The following ATP8B4 variants were observed in gnomAD, a reference collection of about 807,000 sequenced individuals.
ATP8B4 encodes the protein ATPase phospholipid transporting 8B4 (putative).
Under a neutral mutation model 145.6 loss-of-function variants are expected in ATP8B4, and 133 were observed. The ratio of observed to expected loss-of-function variants is 0.91; its 90% confidence interval spans 0.79 to 1.05. ATP8B4 has a LOEUF of 1.05. Among genes scored for constraint, ATP8B4 ranks in the 50% least tolerant of loss-of-function variants. The pLI, the probability that ATP8B4 is intolerant of heterozygous loss-of-function variation, is 0.00. For missense variants in ATP8B4, 1,458 were observed against 1,425.2 expected (o/e 1.02, Z -0.37); for synonymous variants, 507 against 492.9 (o/e 1.03, Z -0.38).
In ATP8B4 at chr15:49,916,894, T is replaced by C. The variant is rs1291961045; in HGVS notation, c.2141+40A>G. 11 of 1,568,546 alleles carry C rather than the reference T, an allele frequency of 7.0e-6. No individual in the cohort carries two copies. In the African/African-American group the frequency reaches 1.4e-4, roughly 19 times the overall value. On this transcript the variant is annotated intron_variant, in intron 20 of 27. Transcript: ENST00000284509. ...CTCTGATCTTTTTTCCCTCCCTCCC[T>C]CTCGTCCTTCCATCCTTTCCTCCTT...
intron 16 of ATP8B4, among the ~76,000 whole-genome samples, chr15:49,927,557 G>A (rs915925422): frequency 2.6e-5 from 4 of 152,100 alleles, no homozygotes; most frequent in African/African-American, 9.7e-5. Context: ...CTGTGGTAGA[G>A]CACTACCTTT....
chr15:50,147,284 T>C (rs1416543631), intron 1 of ATP8B4, among the ~76,000 whole-genome samples: 2 of 151,894 alleles, frequency 1.3e-5, no homozygotes, highest in Non-Finnish European at 2.9e-5. Flanking sequence ...GGTGTGGTGC[T>C]GCATGCCTGT....
upstream of ATP8B4, among the ~76,000 whole-genome samples, chr15:50,120,446 C>T (rs1214248112): frequency 6.6e-6 from 1 of 152,014 alleles, no homozygotes; most frequent in African/African-American, 2.4e-5. Flanking sequence ...ATTTTTAAAC[C>T]TATCATATGG....
intron 3 of ATP8B4, among the ~76,000 whole-genome samples, chr15:50,071,091 G>A (rs1266816270): frequency 6.6e-6 from 1 of 152,180 alleles, no homozygotes; most frequent in Non-Finnish European, 1.5e-5. Context: ...TCAATCTGCT[G>A]TAGCCACAGG....
In ATP8B4 at chr15:49,999,702, T is replaced by C. The variant is rs146902969; in HGVS notation, c.506+2451A>G. On this transcript the variant is annotated intron_variant, in intron 8 of 27. Transcript: ENST00000284509. ...GATGCTGTGTACCCCTTATTCAGAATTGCATCTTACTACAGTTTCACATCT... is the reference window on the plus strand; with the variant it reads ...GATGCTGTGTACCCCTTATTCAGAACTGCATCTTACTACAGTTTCACATCT... 5.6e-3 allele frequency among the ~76,000 whole-genome samples: 853 copies of C among 152,252 alleles called. 7 individuals are homozygous for C. The highest frequency in any genetic ancestry group is 0.02 in the African/African-American group (818 of 41,554).
At chr15:50,125,204 A>G (rs1419206196) in intron 1 of ATP8B4, among the ~76,000 whole-genome samples, 1 of 152,190 alleles carries the variant, frequency 6.6e-6, no homozygotes, top group Admixed American at 6.5e-5. Context: ...TCAGGGCTAC[A>G]TGGTTCTTGT....
chr15:50,133,888 C>T (rs1214250341), intron 1 of ATP8B4, among the ~76,000 whole-genome samples: 1 of 152,102 alleles, frequency 6.6e-6, no homozygotes, highest in East Asian at 1.9e-4. Context: ...GGAATCGCAA[C>T]ACTTTGGGAG....
At chr15:49,941,136 T>A (rs1210537945) in intron 14 of ATP8B4, among the ~76,000 whole-genome samples, 1 of 151,938 alleles carries the variant, frequency 6.6e-6, no homozygotes, top group Non-Finnish European at 1.5e-5. Context: ...AGAGTCAAGA[T>A]AATACAAAGA....
upstream of ATP8B4, among the ~76,000 whole-genome samples, chr15:50,122,717 A>C (rs1225049732): frequency 6.6e-6 from 1 of 152,158 alleles, no homozygotes. Context: ...TTCTATAAGC[A>C]TATTCTTGAA....
chr15:49,946,902 G>C (rs1324836582), intron 14 of ATP8B4, among the ~76,000 whole-genome samples: 1 of 152,146 alleles, frequency 6.6e-6, no homozygotes. Flanking sequence ...AGAGCCACAG[G>C]AGTGTCTGCC....
Position 50,143,086 on chromosome 15 carries a change from G to T in ATP8B4, c.-42-36078C>A, listed in dbSNP as rs142097641. ...AAGCCCTCATTTCCCTTAAAGGCAA[G>T]AACTTTTCTTCTAAAAATAGAAATT... On this transcript the variant is annotated intron_variant, in intron 1 of 3. Coordinates refer to the ATP8B4 transcript ENST00000558829. Among the ~76,000 whole-genome samples, 505 of 152,288 alleles carry T rather than the reference G, an allele frequency of 3.3e-3. 1 individual carries two copies. The highest frequency in any genetic ancestry group is 0.012 in the African/African-American group (484 of 41,564).
At chr15:49,940,055 C>A (rs1291800759) in intron 14 of ATP8B4, among the ~76,000 whole-genome samples, 1 of 152,052 alleles carries the variant, frequency 6.6e-6, no homozygotes, top group Non-Finnish European at 1.5e-5. Context: ...GGTATCTACC[C>A]AAAAGAAAAT....
At chr15:50,077,194 T>C (rs2054236065) in intron 2 of ATP8B4, among the ~76,000 whole-genome samples, 1 of 152,212 alleles carries the variant, frequency 6.6e-6, no homozygotes, top group African/African-American at 2.4e-5. Context: ...AGTAAGGCAA[T>C]ATATAAGGAT....
chr15:50,137,223 T>A (rs55970302), intron 1 of ATP8B4, among the ~76,000 whole-genome samples: 14,317 of 152,292 alleles, frequency 0.094, 864 homozygotes, highest in Middle Eastern at 0.16. Context: ...GGATCTATTA[T>A]GAGCCAGCCA....
chr15:49,915,723 A>G (rs2039667730), intron 20 of ATP8B4, among the ~76,000 whole-genome samples: 1 of 152,072 alleles, frequency 6.6e-6, no homozygotes, highest in Admixed American at 6.5e-5. Context: ...AAATTATACC[A>G]ATAATAATAT....
chr15:50,123,359 A>C (rs889426293), upstream of ATP8B4, among the ~76,000 whole-genome samples: 1 of 152,164 alleles, frequency 6.6e-6, no homozygotes, highest in South Asian at 2.1e-4. Context: ...CTTCTTACCT[A>C]GGGACCAGTC....
At chr15:49,938,977 T>C (rs1046901146) in intron 14 of ATP8B4, among the ~76,000 whole-genome samples, 4 of 152,052 alleles carry the variant, frequency 2.6e-5, no homozygotes, top group African/African-American at 2.4e-5. Context: ...CACAATTACA[T>C]GTAAATTAAA....
chr15:49,866,165 C>G (rs148059069), intron 26 of ATP8B4, among the ~76,000 whole-genome samples, 181 bp downstream of exon 26: 104 of 152,308 alleles, frequency 6.8e-4, no homozygotes, highest in African/African-American at 2.1e-3. Context: ...CCAGTAGAGA[C>G]AGCAGAAACT....
In ATP8B4 at chr15:49,901,152, A is replaced by G. The variant is rs1445294565; in HGVS notation, c.2229T>C (p.Asp743=). 1 of 1,613,698 alleles carries G rather than the reference A, an allele frequency of 6.2e-7. No homozygotes were observed. The highest frequency in any genetic ancestry group is 2.2e-5 in the East Asian group (1 of 44,820). The change falls in exon 21 of 28, where the codon GAT becomes GAC. Residue 743 remains aspartate (D), a synonymous_variant. Coordinates refer to ENST00000284509, the MANE Select transcript of ATP8B4 (RefSeq NM_024837.4). ...VCEKKQQLEL[D]SIVEETITGD... ...CTGTTATGGTTTCTTCTACAATAGA[A>G]TCCAACTCCAGCTGCTGCTTTTTTT...
Sources: allele counts gnomAD v4.1 joint callset (sites outside exome capture counted in the v4.1 genomes callset), GRCh38; gene constraint gnomAD v4.1.1; transcripts MANE v1.5; gene names NCBI Gene and HGNC (gene_info 2026-07-23, HGNC 2026-07-21).